Variants in STK3 observed in about 807,000 individuals in gnomAD.
STK3 encodes serine/threonine-protein kinase 3.
A neutral mutation model predicts 58.0 loss-of-function variants in STK3; 41 were observed. The ratio of observed to expected loss-of-function variants is 0.71; its 90% confidence interval spans 0.55 to 0.92. The LOEUF (loss-of-function observed/expected upper bound fraction) is 0.92. STK3 is among the 40% of genes least tolerant of loss of function. The pLI, the probability that STK3 is intolerant of heterozygous loss-of-function variation, is 0.00. For missense variants in STK3, 479 were observed against 602.7 expected, an observed-to-expected ratio of 0.79 and a Z score of 2.15; for synonymous variants, 170 against 191.0, an observed-to-expected ratio of 0.89 and a Z score of 0.91.
At chr8:98,393,392 C>A (rs545897042) in intron 3 of STK3, among the ~76,000 whole-genome samples, 5 of 152,256 alleles carry the variant, frequency 3.3e-5, no homozygotes, top group South Asian at 4.2e-4. Context: ...AATAGTCCTT[C>A]ACTCCTTCTT....
rs1429882620 is a variant in STK3 at position 98,792,266 on chromosome 8, T to C, written c.27-17447A>G. On this transcript the variant is annotated intron_variant, in intron 1 of 10. Transcript: ENST00000419617. ...TCAAAACCAAAATGCGATTCCACCTTACTTCTGCAACAATGGCCATAATCA... is the reference window on the plus strand; with the variant it reads ...TCAAAACCAAAATGCGATTCCACCTCACTTCTGCAACAATGGCCATAATCA... Among the ~76,000 whole-genome samples the C allele has an allele frequency of 2.6e-5, 4 of 152,318 alleles. No individual in the cohort carries two copies. The South Asian group carries it at 8.3e-4, about 32-fold the overall frequency.
At chr8:98,477,707 G>C (rs1821455456) in intron 10 of STK3, among the ~76,000 whole-genome samples, 1 of 77,908 alleles carries the variant, frequency 1.3e-5, no homozygotes, top group Non-Finnish European at 2.7e-5. Flanking sequence ...CTTGGCGGGG[G>C]GGGGGGGGGT....
At position 98,463,419 on chromosome 8, in the gene STK3, ACT is replaced by A. The variant is rs1471995792; in HGVS notation, c.1318-7421_1318-7420del. Among the ~76,000 whole-genome samples the A allele has an allele frequency of 1.1e-4, 16 of 152,192 alleles. No homozygotes were observed. In the South Asian group the frequency reaches 3.3e-3, roughly 32 times the overall value. On this transcript the variant is annotated intron_variant, in intron 10 of 10. Transcript: ENST00000419617. ...CAAGTAAAAGATACGCAAATTAATA[ACT>A]CAGTTACTAGCTCTTGTATAAAACA...
chr8:98,937,826 T>C (rs749061734), intron 1 of STK3, among the ~76,000 whole-genome samples: 7 of 152,254 alleles, frequency 4.6e-5, no homozygotes, highest in Non-Finnish European at 1.0e-4. Context: ...TTAAAACTTG[T>C]ATCTGCATTC....
In STK3 at chr8:98,656,295, T is replaced by C. The variant is rs541697903; in HGVS notation, c.684+50172A>G. Among the ~76,000 whole-genome samples the C allele has an allele frequency of 2.0e-5, 3 of 148,116 alleles. No homozygotes were observed. The East Asian group carries it at 6.0e-4, about 30-fold the overall frequency. On this transcript the variant is annotated intron_variant, in intron 6 of 10. Coordinates refer to ENST00000419617, the MANE Select transcript of STK3 (RefSeq NM_006281.4). ...GTGGGAATTGAACAATGAGAACACA[T>C]GGACACAGGAAGGGGAACATCACAC... is the stretch of plus-strand genomic sequence containing the variant.
rs185841203 is a variant in STK3 at position 98,568,484 on chromosome 8, C to A, written c.948+11180G>T. Reference sequence around the variant, plus strand: ...TAGTGAACCCTAACATCTTTTACAGCAAAATTTGCTGGTCAACTAGTTCCA... The same window carrying A: ...TAGTGAACCCTAACATCTTTTACAGAAAAATTTGCTGGTCAACTAGTTCCA... On this transcript the variant is annotated intron_variant, in intron 8 of 10. Transcript: ENST00000419617. Among the ~76,000 whole-genome samples, 565 of 152,250 alleles carry A rather than the reference C, an allele frequency of 3.7e-3. 1 individual carries two copies. The highest frequency in any genetic ancestry group is 0.013 in the African/African-American group (538 of 41,554).
chr8:98,560,328 A>C (rs928479364), intron 8 of STK3, among the ~76,000 whole-genome samples: 7 of 152,154 alleles, frequency 4.6e-5, no homozygotes, highest in African/African-American at 1.4e-4. Context: ...ATCTACAAAA[A>C]ACTCCTAGAA....
At chr8:98,620,514 CA>C (rs1181787226) in intron 6 of STK3, among the ~76,000 whole-genome samples, 2,038 of 132,622 alleles carry the variant, frequency 0.015, 46 homozygotes, top group African/African-American at 0.05. Context: ...AGGTCAACAT[CA>C]AAAAAAAAAA....
At chr8:98,850,177 T>C (rs1032266940) in intron 3 of STK3, among the ~76,000 whole-genome samples, 7 of 152,192 alleles carry the variant, frequency 4.6e-5, no homozygotes, top group Non-Finnish European at 1.0e-4. Context: ...ATTTAATTAA[T>C]TTTTTTAGAG....
At chr8:98,702,937 G>T (rs1347979110) in intron 6 of STK3, among the ~76,000 whole-genome samples, 3 of 152,116 alleles carry the variant, frequency 2.0e-5, no homozygotes, top group African/African-American at 2.4e-5. Context: ...ATAACTATCA[G>T]GTTTTTTGCC....
chr8:98,553,499 T>G (rs1302323667), intron 8 of STK3: 2 of 152,118 alleles, frequency 1.3e-5, no homozygotes, highest in African/African-American at 2.4e-5. Flanking sequence ...GAAGGACAAT[T>G]TTATGAGGTT....
chr8:98,605,831 C>A (rs1011183643), intron 6 of STK3, among the ~76,000 whole-genome samples: 3 of 152,102 alleles, frequency 2.0e-5, no homozygotes, highest in African/African-American at 7.2e-5. Flanking sequence ...TTATTATCAT[C>A]CCCTTGGTGC....
At chr8:98,833,714 C>G (rs1835633704) in intron 3 of STK3, among the ~76,000 whole-genome samples, 1 of 152,166 alleles carries the variant, frequency 6.6e-6, no homozygotes, top group South Asian at 2.1e-4. Context: ...TCAGTTGTGC[C>G]TAAACTCTAC....
intron 4 of STK3, among the ~76,000 whole-genome samples, chr8:98,738,418 A>G (rs1828813808): frequency 6.6e-6 from 1 of 152,170 alleles, no homozygotes; most frequent in South Asian, 2.1e-4. Context: ...AGTTGCAGTG[A>G]GCCAAGATCA....
chr8:98,737,830 C>G lies in STK3; in HGVS notation c.351+11446G>C, dbSNP rs192676101. Among the ~76,000 whole-genome samples, 503 of 152,268 alleles carry G rather than the reference C, an allele frequency of 3.3e-3. 2 individuals are homozygous for G. Among genetic ancestry groups the G allele is most frequent in the African/African-American group, 0.012 (480 of 41,542 alleles). On this transcript the variant is annotated intron_variant, in intron 4 of 10. Transcript: ENST00000419617. ...TCAAGAGATTCTCCTGCCTCAGCCT[C>G]CAGAGTAGCTGGGATTATAGGCACC...
intron 8 of STK3, 40 bp from the exon 9 acceptor site, chr8:98,548,201 G>A: frequency 7.2e-7 from 1 of 1,386,608 alleles, no homozygotes; most frequent in Non-Finnish European, 9.4e-7. Context: ...ACTTTTCTAT[G>A]ACAGCTGGAT....
At chr8:98,536,131 T>C (rs1240427480) in intron 9 of STK3, among the ~76,000 whole-genome samples, 3 of 152,166 alleles carry the variant, frequency 2.0e-5, no homozygotes, top group Non-Finnish European at 4.4e-5. Flanking sequence ...CAGGAGCTTC[T>C]AACTGAAGTC....
chr8:98,808,090 T>C (rs1319124831), intron 1 of STK3, among the ~76,000 whole-genome samples: 1 of 152,120 alleles, frequency 6.6e-6, no homozygotes, highest in Admixed American at 6.5e-5. Flanking sequence ...AGAGAAAAAA[T>C]TGTCGTGTGA....
In STK3 at chr8:98,716,399, A is replaced by G. The variant is rs146508744; in HGVS notation, c.352-9088T>C. Among the ~76,000 whole-genome samples the G allele has an allele frequency of 1.1e-4, 16 of 152,272 alleles. No individual in the cohort carries two copies. The East Asian group carries it at 3.1e-3, about 29-fold the overall frequency. The stretch of plus-strand genomic sequence containing the variant: ...AGCAATCTGAAAAGGAAACTACAAA[A>G]AAAATTCTATTTACAATAGAAATAG... On this transcript the variant is annotated intron_variant, in intron 4 of 10. Coordinates refer to ENST00000419617, the MANE Select transcript of STK3 (RefSeq NM_006281.4).
Sources: gnomAD v4.1 joint callset for allele counts (sites outside exome capture counted in the v4.1 genomes callset) on GRCh38, gnomAD v4.1.1 for gene constraint, MANE v1.5 for transcripts, NCBI Gene and HGNC (gene_info 2026-07-23, HGNC 2026-07-21) for gene names.